GRAMD4: variants seen among roughly 807,000 people sequenced by gnomAD.
GRAMD4 encodes GRAM domain containing 4, also known as GRAM domain-containing protein 4.
GRAMD4 carries 25 observed loss-of-function variants against 83.9 expected under a neutral mutation model. The ratio of observed to expected loss-of-function variants is 0.30; its 90% CI spans 0.22 to 0.42. The LOEUF (loss-of-function observed/expected upper bound fraction) is 0.42. Ranked by LOEUF, GRAMD4 falls within the 10% of genes least tolerant of loss-of-function variation. The pLI is 1.00. For missense variants in GRAMD4, 593 were observed against 788.7 expected, an observed-to-expected ratio of 0.75 and a Z score of 2.97; for synonymous variants, 336 against 320.9, an observed-to-expected ratio of 1.05 and a Z score of -0.50.
intron 2 of GRAMD4, among the ~76,000 whole-genome samples, chr22:46,634,027 C>T (rs1375517968): frequency 6.6e-6 from 1 of 152,250 alleles, no homozygotes. Context: ...TCTCAGCAGA[C>T]AGTTGGGGGT....
In GRAMD4 at chr22:46,658,508, G is replaced by C. The variant is rs1327946489; in HGVS notation, c.404+201G>C. Among the ~76,000 whole-genome samples, 3 of 152,120 alleles carry C rather than the reference G, an allele frequency of 2.0e-5. No individual in the cohort carries two copies. In the East Asian group the frequency reaches 5.8e-4, roughly 29 times the overall value. ...GTGCCTGCATGAGCTGTGGTCTTGGGAATGTGTCATCTTCCTGTGCCTCTG... is the reference window on the plus strand; with the variant it reads ...GTGCCTGCATGAGCTGTGGTCTTGGCAATGTGTCATCTTCCTGTGCCTCTG... On this transcript the variant is annotated intron_variant, in intron 4 of 18. Transcript: ENST00000406902.
At chr22:46,645,030 G>T (rs566443291) in intron 3 of GRAMD4, among the ~76,000 whole-genome samples, 1 of 148,400 alleles carries the variant, frequency 6.7e-6, no homozygotes, top group Non-Finnish European at 1.5e-5. Flanking sequence ...ACAGGCGTGA[G>T]CCACTGTGCC....
chr22:46,647,196 C>T (rs1257491269), intron 3 of GRAMD4, among the ~76,000 whole-genome samples: 1 of 152,144 alleles, frequency 6.6e-6, no homozygotes. Context: ...CCCAGACCTA[C>T]AGAAGGGAGC....
At chr22:46,630,028 ATTC>A (rs772835944) in intron 2 of GRAMD4, among the ~76,000 whole-genome samples, 3 of 150,136 alleles carry the variant, frequency 2.0e-5, no homozygotes, top group Non-Finnish European at 3.0e-5. Context: ...TCTTTTTCTT[ATTC>A]TTTTTTTTTT....
chr22:46,656,321 G>C lies in GRAMD4; in HGVS notation c.284-1866G>C, dbSNP rs1289681181. Among the ~76,000 whole-genome samples the C allele has an allele frequency of 2.6e-5, 4 of 152,262 alleles. No individual in the cohort carries two copies. In the East Asian group the frequency reaches 7.7e-4, roughly 29 times the overall value. ...GGAGTGGGGCTGGTGAGATGCAGGT[G>C]CCTGTCTCTTCCCTTTTGGGTACCG... On this transcript the variant is annotated intron_variant, in intron 3 of 18. Coordinates refer to ENST00000406902, the MANE Select transcript of GRAMD4 (RefSeq NM_015124.5).
chr22:46,668,945 G>A (rs749457432), intron 13 of GRAMD4, 37 bp downstream of exon 13: 1 of 1,194,866 alleles, frequency 8.4e-7, no homozygotes, highest in South Asian at 1.2e-5. Context: ...GCTTCAGGAG[G>A]AGGGACACAG....
At position 46,664,133 on chromosome 22, in the gene GRAMD4, AG is replaced by A. The variant is rs1413418476; in HGVS notation, c.717+20del. The A allele has an allele frequency of 2.0e-6, 3 of 1,512,816 alleles. No homozygotes were observed. The highest frequency in any genetic ancestry group is 2.7e-6 in the Non-Finnish European group (3 of 1,098,684). 93.7% of individuals were successfully genotyped at this position (1,512,816 alleles called of 1,614,324 possible). On this transcript the variant is annotated intron_variant, in intron 8 of 18. Transcript: ENST00000406902. ...TGCCTTCACCGTGAGTGGGTCCTCCAGGGGCCGAGCAGGGTGGGTGGGATGT... is the reference window on the plus strand; with the variant it reads ...TGCCTTCACCGTGAGTGGGTCCTCCAGGGCCGAGCAGGGTGGGTGGGATGT...
At chr22:46,579,088 C>T (rs2081073006) in intron 1 of GRAMD4, among the ~76,000 whole-genome samples, 2 of 152,230 alleles carry the variant, frequency 1.3e-5, no homozygotes, top group African/African-American at 4.8e-5. Flanking sequence ...CCGGTGATGT[C>T]TGTCTTGCAC....
chr22:46,676,811 A>C (rs2082605724), intron 18 of GRAMD4, 143 bp downstream of exon 18: 2 of 770,486 alleles, frequency 2.6e-6, no homozygotes, highest in Non-Finnish European at 4.3e-6. Flanking sequence ...CCCTCGCAGC[A>C]GCTAGAGCCT....
chr22:46,587,623 G>A (rs75939417), intron 1 of GRAMD4, among the ~76,000 whole-genome samples: 6,104 of 152,082 alleles, frequency 0.04, 405 homozygotes, highest in African/African-American at 0.14. Flanking sequence ...CTGGATGGGG[G>A]TCAGTGGGCA....
intron 3 of GRAMD4, among the ~76,000 whole-genome samples, chr22:46,650,021 T>G (rs1316045076): frequency 1.3e-5 from 2 of 151,646 alleles, no homozygotes; most frequent in Non-Finnish European, 2.9e-5. Context: ...CAGGTGAGAG[T>G]CCGGGGGAGG....
At position 46,603,948 on chromosome 22, in the gene GRAMD4, C is replaced by A. The variant is rs575660005; in HGVS notation, c.-49-22803C>A. ...CTTGTTCTGCATTCAAACCTTTGGT[C>A]TAATCTGAATTTATTTTGGGAAGGT... On this transcript the variant is annotated intron_variant, in intron 1 of 1. Coordinates refer to the GRAMD4 transcript ENST00000431155. Among the ~76,000 whole-genome samples, 3 of 152,324 alleles carry A rather than the reference C, an allele frequency of 2.0e-5. No homozygotes were observed. The South Asian group carries it at 6.2e-4, about 32-fold the overall frequency.
chr22:46,623,774 G>T (rs2081612574), intron 1 of GRAMD4, among the ~76,000 whole-genome samples: 1 of 148,288 alleles, frequency 6.7e-6, no homozygotes, highest in Non-Finnish European at 1.5e-5. Flanking sequence ...TGACTACATT[G>T]TCAAGCTGCC....
downstream of GRAMD4, among the ~76,000 whole-genome samples, chr22:46,680,590 CCATCCACCCACCCATT>C (rs2082658922): frequency 1.5e-5 from 2 of 137,338 alleles, no homozygotes; most frequent in African/African-American, 5.7e-5. Context: ...ATCCATCCAT[CCATCCACCCACCCATT>C]CATCCATCCA....
chr22:46,678,052 A>G lies in GRAMD4; in HGVS notation c.*801A>G, dbSNP rs2082624793. The G allele has an allele frequency of 3.0e-6, 3 of 985,498 alleles. No homozygotes were observed. Among genetic ancestry groups the G allele is most frequent in the Non-Finnish European group, 3.6e-6 (3 of 830,058 alleles). The allele number at this position is 985,498 out of a possible 1,614,324, so 61.0% of individuals were successfully genotyped here. A position where few individuals can be genotyped will look rare whatever the true frequency, so the allele number is the denominator to read the frequency against. The stretch of plus-strand genomic sequence containing the variant: ...GACCAGTAAGGGCACAGGATGGTGC[A>G]GGTAAAAGCACATCTTTCTCACACT... On this transcript the variant is annotated 3_prime_UTR_variant, in exon 19 of 19. Coordinates refer to ENST00000406902, the MANE Select transcript of GRAMD4 (RefSeq NM_015124.5).
downstream of GRAMD4, chr22:46,679,805 C>T (rs955100385): frequency 1.0e-6 from 1 of 984,200 alleles, no homozygotes; most frequent in African/African-American, 1.7e-5. Flanking sequence ...CTGTCTGCCT[C>T]CTTGGCAGGG....
intron 2 of GRAMD4, among the ~76,000 whole-genome samples, chr22:46,628,240 G>A (rs1194466555): frequency 6.6e-6 from 1 of 152,216 alleles, no homozygotes; most frequent in Non-Finnish European, 1.5e-5. Context: ...TCCGCCATCC[G>A]TCTGTCCTGC....
chr22:46,599,059 G>A (rs963970636), intron 1 of GRAMD4, among the ~76,000 whole-genome samples: 22 of 152,172 alleles, frequency 1.4e-4, no homozygotes, highest in African/African-American at 5.1e-4. Context: ...GTGTGACACA[G>A]AGGCCGTGAC....
chr22:46,615,620 A>T (rs1269719855), upstream of GRAMD4, among the ~76,000 whole-genome samples: 1 of 77,184 alleles, frequency 1.3e-5, no homozygotes. Flanking sequence ...CCGTGCGTGT[A>T]GGTTCCCCCG....
Sources: allele counts gnomAD v4.1 joint callset (sites outside exome capture counted in the v4.1 genomes callset), GRCh38; gene constraint gnomAD v4.1.1; transcripts MANE v1.5; gene names NCBI Gene and HGNC (gene_info 2026-07-23, HGNC 2026-07-21).